Variants in GPM6B observed in about 807,000 individuals in gnomAD.
GPM6B encodes neuronal membrane glycoprotein M6-b.
GPM6B carries 4 observed loss-of-function variants against 27.2 expected under a neutral mutation model. The observed-to-expected ratio is 0.15, with a 90% CI of 0.07 to 0.34. The LOEUF is 0.34. Ranked by LOEUF, GPM6B falls within the 10% of genes least tolerant of loss-of-function variation. The pLI is 1.00. For synonymous variants in GPM6B, 124 were observed against 103.1 expected, an observed-to-expected ratio of 1.20 and a Z score of -1.23; for missense variants, 183 against 261.9, an observed-to-expected ratio of 0.70 and a Z score of 2.08.
intron 1 of GPM6B, among the ~76,000 whole-genome samples, chrX:13,927,534 A>G (rs1261410667): frequency 8.9e-6 from 1 of 112,819 alleles, no homozygotes; most frequent in Non-Finnish European, 1.9e-5. Context: ...GAGAACCAAA[A>G]ATCATCCCAG....
intron 1 of GPM6B, among the ~76,000 whole-genome samples, chrX:13,837,319 C>A (rs1421689521): frequency 1.8e-5 from 2 of 111,676 alleles, no homozygotes; most frequent in Non-Finnish European, 3.8e-5. Flanking sequence ...CTTTCCTAGT[C>A]CCCTGTAGAA....
intron 1 of GPM6B, among the ~76,000 whole-genome samples, chrX:13,900,268 A>G (rs931345906): frequency 8.9e-6 from 1 of 112,309 alleles, no homozygotes; most frequent in African/African-American, 3.2e-5. Context: ...CCTAATAAAA[A>G]TAGTAGCACC....
chrX:13,932,821 CT>C (rs1377367037), intron 1 of GPM6B, among the ~76,000 whole-genome samples: 1 of 111,491 alleles, frequency 9.0e-6, no homozygotes, highest in African/African-American at 3.3e-5. Context: ...GAAGGAAGTA[CT>C]TTTCACCAGA....
intron 5 of GPM6B, among the ~76,000 whole-genome samples, chrX:13,778,721 G>C (rs2048461592): frequency 8.9e-6 from 1 of 111,921 alleles, no homozygotes; most frequent in African/African-American, 3.2e-5. Flanking sequence ...CCAAAAATTT[G>C]TGGCAAAACA....
rs184421349 is a variant in GPM6B, at chrX:13,771,177, A to G, written c.*1704T>C. The stretch of plus-strand genomic sequence containing the variant: ...CTCTTTACATAAAAAATATTAGACT[A>G]CTTAAACAAAACTTTCAAAAATTCC... On this transcript the variant is annotated 3_prime_UTR_variant, in exon 8 of 8. Coordinates refer to ENST00000316715, the MANE Select transcript of GPM6B (RefSeq NM_001001995.3). 2.0e-3 allele frequency: 225 copies of G among 112,142 alleles called. 2 individuals carry two copies. The highest frequency in any genetic ancestry group is 6.6e-3 in the African/African-American group (204 of 30,919). The allele number at this position is 112,142 out of a possible 1,213,427, so 9.2% of individuals were successfully genotyped here. A position where few individuals can be genotyped will look rare whatever the true frequency, so the allele number is the denominator to read the frequency against.
chrX:13,772,218 GTCCAGCATCCAGATTCTTT>G lies in GPM6B; in HGVS notation c.*644_*662del, dbSNP rs2048313864. On this transcript the variant is annotated 3_prime_UTR_variant, in exon 8 of 8. Transcript: ENST00000316715. ...TTGCTTCTGGAAAGCTTGTCAGTGA[GTCCAGCATCCAGATTCTTT>G]AATAGTAGGGTCAGCAGAATTGTAG... 1 of 112,313 alleles carries G rather than the reference GTCCAGCATCCAGATTCTTT, an allele frequency of 8.9e-6. No individual in the cohort carries two copies. Among genetic ancestry groups the G allele is most frequent in the African/African-American group, 3.2e-5 (1 of 30,809 alleles). The allele number at this position is 112,313 out of a possible 1,213,427, so 9.3% of individuals were successfully genotyped here.
chrX:13,861,317 T>C (rs1330879572), intron 1 of GPM6B, among the ~76,000 whole-genome samples: 8 of 110,520 alleles, frequency 7.2e-5, no homozygotes, highest in Non-Finnish European at 1.5e-4. Context: ...TCCCCCTGGG[T>C]AGACAGCTAG....
intron 1 of GPM6B, among the ~76,000 whole-genome samples, chrX:13,860,475 A>T (rs1416833990): frequency 4.7e-5 from 5 of 105,672 alleles, no homozygotes. Context: ...GAATCACACA[A>T]AATAAGCTAT....
chrX:13,837,724 G>GTGC (rs35999527), intron 1 of GPM6B, among the ~76,000 whole-genome samples: 1 of 32,882 alleles, frequency 3.0e-5, no homozygotes. Flanking sequence ...GGGGGGGGGG[G>GTGC]GGGGAAGCAG....
At chrX:13,914,606 G>C (rs764382413) in intron 1 of GPM6B, among the ~76,000 whole-genome samples, 1 of 112,790 alleles carries the variant, frequency 8.9e-6, no homozygotes, top group African/African-American at 3.2e-5. Flanking sequence ...GGGGAGGAGT[G>C]TCCCTGTGCC....
chrX:13,861,176 T>C (rs146928657), intron 1 of GPM6B, among the ~76,000 whole-genome samples: 1,914 of 110,160 alleles, frequency 0.017, 38 homozygotes, highest in East Asian at 0.14. Flanking sequence ...CATATATATA[T>C]ACACACACAC....
chrX:13,888,078 A>G (rs976091253), intron 1 of GPM6B, among the ~76,000 whole-genome samples: 1 of 112,407 alleles, frequency 8.9e-6, no homozygotes, highest in Non-Finnish European at 1.9e-5. Flanking sequence ...TGATCCCTAA[A>G]GACACTTTCA....
intron 1 of GPM6B, chrX:13,938,306 G>A (rs1368092801): frequency 3.7e-6 from 1 of 273,171 alleles, no homozygotes; most frequent in African/African-American, 2.8e-5. Flanking sequence ...CCCCCCCACA[G>A]GATACAACAG....
At chrX:13,843,573 G>T (rs1442252978) in intron 1 of GPM6B, among the ~76,000 whole-genome samples, 1 of 112,065 alleles carries the variant, frequency 8.9e-6, no homozygotes, top group Non-Finnish European at 1.9e-5. Context: ...AGCATGTGAG[G>T]GTTTCAGTTT....
At chrX:13,811,982 C>T (rs1475567318) in intron 1 of GPM6B, among the ~76,000 whole-genome samples, 1 of 109,574 alleles carries the variant, frequency 9.1e-6, no homozygotes, top group African/African-American at 3.3e-5. Flanking sequence ...CCCTGTACTC[C>T]TGTAACGTGA....
intron 2 of GPM6B, among the ~76,000 whole-genome samples, chrX:13,806,026 A>G: frequency 9.0e-6 from 1 of 111,417 alleles, no homozygotes. Flanking sequence ...CTGAGATATA[A>G]TTTATATTCT....
At chrX:13,786,856 C>T (rs2074096) in intron 2 of GPM6B, among the ~76,000 whole-genome samples, 27,009 of 108,478 alleles carry the variant, frequency 0.25, 2,758 homozygotes, top group South Asian at 0.42. Context: ...GAGACATTTA[C>T]GTTTCAGTAA....
intron 1 of GPM6B, among the ~76,000 whole-genome samples, chrX:13,812,145 G>A (rs2049147612): frequency 9.5e-6 from 1 of 105,425 alleles, no homozygotes. Context: ...CGCCTCTCGG[G>A]TTCACGCCAT....
chrX:13,864,714 T>C (rs774722189), intron 1 of GPM6B, among the ~76,000 whole-genome samples: 6 of 111,471 alleles, frequency 5.4e-5, no homozygotes, highest in African/African-American at 1.6e-4. Context: ...TCCCACATAC[T>C]GTGTATGAAA....
Sources: allele counts gnomAD v4.1 joint callset (sites outside exome capture counted in the v4.1 genomes callset), GRCh38; gene constraint gnomAD v4.1.1; transcripts MANE v1.5; gene names NCBI Gene and HGNC (gene_info 2026-07-23, HGNC 2026-07-21).